Variants in DDAH1 observed in about 807,000 individuals in gnomAD.
The protein encoded by DDAH1 is N(G),N(G)-dimethylarginine dimethylaminohydrolase 1.
Under a neutral mutation model 28.8 loss-of-function variants are expected in DDAH1, and 19 were observed. The ratio of observed to expected loss-of-function variants is 0.66; its 90% CI spans 0.46 to 0.97. The LOEUF is 0.97. Ranked by LOEUF, DDAH1 falls within the 50% of genes least tolerant of loss-of-function variation. DDAH1 has a pLI of 0.00. For missense variants in DDAH1, 326 were observed against 375.9 expected (o/e 0.87, Z 1.10); for synonymous variants, 153 against 154.4 (o/e 0.99, Z 0.07).
Position 85,358,653 on chromosome 1 carries a change from A to G in DDAH1, c.403+95T>C, listed in dbSNP as rs529334130. The G allele has an allele frequency of 2.0e-4, 210 of 1,030,222 alleles. 1 individual carries two copies. In the African/African-American group the frequency reaches 2.9e-3, roughly 14 times the overall value. 63.8% of individuals were successfully genotyped at this position (1,030,222 alleles called of 1,614,324 possible). ...GACAGCGAGACTCTGTCTCAAAAAC[A>G]AAAACAAAAAAACACAAAAAACTAT... is the stretch of plus-strand genomic sequence containing the variant. On this transcript the variant is annotated intron_variant, in intron 2 of 5. Coordinates refer to ENST00000284031, the MANE Select transcript of DDAH1 (RefSeq NM_012137.4).
intron 1 of DDAH1, among the ~76,000 whole-genome samples, chr1:85,436,230 T>A (rs12131258): frequency 0.1 from 15,224 of 152,028 alleles, 853 homozygotes; most frequent in South Asian, 0.19. Context: ...TGTGATAATT[T>A]AAAAAATTTT....
chr1:85,505,152 A>AT (rs947127891), intron 1 of DDAH1, among the ~76,000 whole-genome samples: 41 of 151,224 alleles, frequency 2.7e-4, no homozygotes, highest in African/African-American at 8.0e-4. Flanking sequence ...TGCCCGGCTG[A>AT]TTTTTTTTAT....
intron 1 of DDAH1, among the ~76,000 whole-genome samples, chr1:85,363,878 A>G (rs1649916882): frequency 6.8e-6 from 1 of 146,244 alleles, no homozygotes; most frequent in Non-Finnish European, 1.5e-5. Flanking sequence ...ATAACATCTC[A>G]GTTCAACAAA....
At chr1:85,478,033 A>T (rs1254166682) in intron 2 of DDAH1, among the ~76,000 whole-genome samples, 2 of 152,208 alleles carry the variant, frequency 1.3e-5, no homozygotes, top group African/African-American at 2.4e-5. Context: ...TTCTAAAAAA[A>T]ATTAGAAAAG....
chr1:85,446,300 C>T (rs534740069), intron 1 of DDAH1, among the ~76,000 whole-genome samples: 69 of 152,174 alleles, frequency 4.5e-4, no homozygotes, highest in African/African-American at 1.3e-3. Context: ...GGAAAAGTGC[C>T]GAGTAAAGGG....
chr1:85,383,503 T>C lies in DDAH1; in HGVS notation c.304-24656A>G, dbSNP rs556130485. On this transcript the variant is annotated intron_variant, in intron 1 of 5. Coordinates refer to ENST00000284031, the MANE Select transcript of DDAH1 (RefSeq NM_012137.4). Reference sequence around the variant, plus strand: ...CTGTGAAACATTGTTGAAATGATAATAAAATATTTAGAATAGTCCAAAAAC... The same window carrying C: ...CTGTGAAACATTGTTGAAATGATAACAAAATATTTAGAATAGTCCAAAAAC... 5.3e-5 allele frequency among the ~76,000 whole-genome samples: 8 copies of C among 152,290 alleles called. No homozygotes were observed. In the East Asian group the frequency reaches 1.2e-3, roughly 22 times the overall value.
intron 2 of DDAH1, among the ~76,000 whole-genome samples, chr1:85,353,925 G>A (rs918405982): frequency 8.5e-5 from 13 of 152,130 alleles, no homozygotes; most frequent in Admixed American, 5.9e-4. Flanking sequence ...TGTTCGGAGC[G>A]TGATGTGGGC....
Position 85,465,028 on chromosome 1 carries a change from G to A in DDAH1, c.18C>T (p.His6=). Residue 6 remains histidine (H), a synonymous_variant, in exon 1 of 6, where the codon CAC becomes CAT. Coordinates refer to ENST00000284031, the MANE Select transcript of DDAH1 (RefSeq NM_012137.4). MAGLG[H]PAAFGRATHA... ...GGGTGGCCCGGCCGAAGGCGGCGGG[G>A]TGGCCGAGCCCGGCCATGGCTTCGG... is the stretch of plus-strand genomic sequence containing the variant. 1 of 1,325,898 alleles carries A rather than the reference G, an allele frequency of 7.5e-7. No homozygotes were observed. 82.1% of individuals were successfully genotyped at this position (1,325,898 alleles called of 1,614,324 possible). A position where few individuals can be genotyped will look rare whatever the true frequency, so the allele number is the denominator to read the frequency against.
chr1:85,487,173 G>A (rs1204221194), intron 2 of DDAH1, among the ~76,000 whole-genome samples: 1 of 152,200 alleles, frequency 6.6e-6, no homozygotes, highest in Non-Finnish European at 1.5e-5. Context: ...CTTGTACTTA[G>A]GACTTCCAAC....
chr1:85,343,764 A>AT (rs1648659185), intron 4 of DDAH1, among the ~76,000 whole-genome samples: 1 of 152,224 alleles, frequency 6.6e-6, no homozygotes, highest in Admixed American at 6.5e-5. Context: ...CAGGCAATAA[A>AT]AAGCATATAA....
chr1:85,446,467 G>A (rs1654430936), intron 1 of DDAH1, among the ~76,000 whole-genome samples: 1 of 152,072 alleles, frequency 6.6e-6, no homozygotes, highest in South Asian at 2.1e-4. Flanking sequence ...TGAGATTTTG[G>A]TAGGGACATA....
intron 1 of DDAH1, among the ~76,000 whole-genome samples, chr1:85,547,732 A>C (rs1423867287): frequency 6.6e-6 from 1 of 152,212 alleles, no homozygotes; most frequent in Admixed American, 6.5e-5. Context: ...TTTCTTTAAG[A>C]AGAGCTTTTA....
In DDAH1 at chr1:85,351,597, G is replaced by A. The variant is rs1649207678; in HGVS notation, c.404-18C>T. ...TTCTCTGCCTGTAATAGATGTCATG[G>A]AACATAGTGAGCAGGTGGCACCAGT... On this transcript the variant is annotated intron_variant, in intron 2 of 5. Transcript: ENST00000284031. The A allele has an allele frequency of 1.2e-6, 2 of 1,601,218 alleles. No individual in the cohort carries two copies. The highest frequency in any genetic ancestry group is 2.7e-5 in the African/African-American group (2 of 74,662).
intron 1 of DDAH1, among the ~76,000 whole-genome samples, chr1:85,510,008 G>A (rs1004280023): frequency 5.3e-5 from 8 of 152,042 alleles, no homozygotes; most frequent in African/African-American, 1.2e-4. Flanking sequence ...GATACTCCTC[G>A]AGAAGTATCT....
chr1:85,570,648 G>C (rs928881116), intron 1 of DDAH1, among the ~76,000 whole-genome samples: 2 of 152,162 alleles, frequency 1.3e-5, no homozygotes, highest in African/African-American at 4.8e-5. Flanking sequence ...ATTCTGCCCA[G>C]TGCCTAGCAA....
intron 1 of DDAH1, among the ~76,000 whole-genome samples, chr1:85,504,085 C>T (rs1656923290): frequency 6.6e-6 from 1 of 152,214 alleles, no homozygotes. Context: ...GCTTTGGCTG[C>T]AGCGTAGGCT....
At chr1:85,484,801 A>C (rs1161872574) in intron 2 of DDAH1, among the ~76,000 whole-genome samples, 1 of 152,208 alleles carries the variant, frequency 6.6e-6, no homozygotes, top group African/African-American at 2.4e-5. Flanking sequence ...AAAATGTAGA[A>C]GTTGGCTGAT....
At chr1:85,433,067 A>G (rs1367790266) in intron 1 of DDAH1, among the ~76,000 whole-genome samples, 3 of 152,322 alleles carry the variant, frequency 2.0e-5, no homozygotes, top group Non-Finnish European at 2.9e-5. Context: ...TTTTGGCCAG[A>G]CTATACATAT....
At chr1:85,568,934 TA>T (rs746870078) in intron 1 of DDAH1, among the ~76,000 whole-genome samples, 1 of 152,174 alleles carries the variant, frequency 6.6e-6, no homozygotes, top group Non-Finnish European at 1.5e-5. Context: ...ATATACACAC[TA>T]TTTATGCAAG....
Sources: gnomAD v4.1 joint callset for allele counts (sites outside exome capture counted in the v4.1 genomes callset) on GRCh38, gnomAD v4.1.1 for gene constraint, MANE v1.5 for transcripts, NCBI Gene and HGNC (gene_info 2026-07-23, HGNC 2026-07-21) for gene names.